The following RPGR variants were observed in gnomAD, a reference collection of about 807,000 sequenced individuals.
RPGR encodes retinitis pigmentosa GTPase regulator.
RPGR carries 10 observed loss-of-function variants against 56.3 expected under a neutral mutation model. The observed-to-expected ratio is 0.18, with a 90% CI of 0.11 to 0.30. The LOEUF is 0.30. Ranked by LOEUF, RPGR falls within the 10% of genes least tolerant of loss-of-function variation. RPGR has a pLI of 1.00. For synonymous variants in RPGR, 197 were observed against 212.9 expected (o/e 0.93, Z 0.65); for missense variants, 538 against 590.9 (o/e 0.91, Z 0.93).
At chrX:38,313,092 T>C (rs2067752542) in intron 6 of RPGR, among the ~76,000 whole-genome samples, 1 of 111,677 alleles carries the variant, frequency 9.0e-6, no homozygotes, top group South Asian at 3.8e-4. Flanking sequence ...TTTCTGTCTC[T>C]ATATCTCTGC....
chrX:38,302,985 T>C (rs1408306095), intron 8 of RPGR, among the ~76,000 whole-genome samples: 1 of 109,950 alleles, frequency 9.1e-6, no homozygotes, highest in Non-Finnish European at 1.9e-5. Context: ...AATTTTTGAA[T>C]ATAGTAGAGA....
At chrX:38,302,333 G>A (rs2067516866) in intron 8 of RPGR, among the ~76,000 whole-genome samples, 3 of 111,178 alleles carry the variant, frequency 2.7e-5, no homozygotes, top group African/African-American at 6.5e-5. Context: ...GGATGAGTAG[G>A]GCTTAGCTGC....
At chrX:38,306,508 T>C (rs1245373789) in intron 7 of RPGR, among the ~76,000 whole-genome samples, 3 of 112,450 alleles carry the variant, frequency 2.7e-5, no homozygotes, top group Non-Finnish European at 3.8e-5. Context: ...ATAAGACATA[T>C]AGATACTACT....
At position 38,327,350 on chromosome X, in the gene RPGR, CTCT is replaced by C; in HGVS notation, c.15_17del (p.Glu6del). 8.4e-7 allele frequency: 1 copy of C among 1,190,300 alleles called. No homozygotes were observed. Among genetic ancestry groups the C allele is most frequent in the Non-Finnish European group, 1.1e-6 (1 of 886,194 alleles). On this transcript the variant is annotated inframe_deletion, in exon 1 of 19. Transcript: ENST00000642395. Reference sequence around the variant, plus strand: ...GCGGGCGCAACTCACCGGGCATCAGCTCTTCCGGCTCCCTCATGCCACGGGCAG... The same window carrying C: ...GCGGGCGCAACTCACCGGGCATCAGCTCCGGCTCCCTCATGCCACGGGCAG...
chrX:38,322,521 T>C (rs1352447521), intron 3 of RPGR, among the ~76,000 whole-genome samples: 1 of 112,225 alleles, frequency 8.9e-6, no homozygotes, highest in Non-Finnish European at 1.9e-5. Flanking sequence ...TTCTAACATA[T>C]GTTTGTTCTC....
At chrX:38,288,162 C>T (rs1352994369) in intron 13 of RPGR, 121 bp from the exon 14 acceptor site, 2 of 612,338 alleles carry the variant, frequency 3.3e-6, no homozygotes, top group African/African-American at 2.3e-5. Flanking sequence ...ATCAAAATAG[C>T]AAGTTTTACC....
At chrX:38,308,565 AAATT>A (rs1235979584) in intron 7 of RPGR, among the ~76,000 whole-genome samples, 3 of 111,937 alleles carry the variant, frequency 2.7e-5, no homozygotes, top group Admixed American at 9.5e-5. Context: ...ATGACCTATT[AAATT>A]AATTCTTTCT....
At chrX:38,273,072 G>T (rs895475834) in intron 18 of RPGR, among the ~76,000 whole-genome samples, 10 of 112,003 alleles carry the variant, frequency 8.9e-5, no homozygotes, top group Non-Finnish European at 1.9e-4. Flanking sequence ...GAAAAAGATA[G>T]GAACATTGAT....
At chrX:38,321,592 C>T (rs190416895) in intron 3 of RPGR, among the ~76,000 whole-genome samples, 96 of 108,077 alleles carry the variant, frequency 8.9e-4, no homozygotes, top group African/African-American at 3.0e-3. Flanking sequence ...CCCAGGAGGT[C>T]GAGGCTGCAG....
chrX:38,270,692 A>G (rs1167145070), intron 18 of RPGR, among the ~76,000 whole-genome samples: 1 of 108,921 alleles, frequency 9.2e-6, no homozygotes, highest in Non-Finnish European at 1.9e-5. Flanking sequence ...GGGTCTGAGT[A>G]GGCAGTCAAA....
Position 38,327,463 on chromosome X carries a change from G to T in RPGR, c.-96C>A. 1 of 893,820 alleles carries T rather than the reference G, an allele frequency of 1.1e-6. No individual in the cohort carries two copies. The highest frequency in any genetic ancestry group is 1.5e-6 in the Non-Finnish European group (1 of 660,518). 73.7% of individuals were successfully genotyped at this position (893,820 alleles called of 1,213,427 possible). On this transcript the variant is annotated 5_prime_UTR_variant, in exon 1 of 19. Coordinates refer to ENST00000642395, the MANE Select transcript of RPGR (RefSeq NM_000328.3). ...CAGCTACTCCGCACCGACGCGGGCC[G>T]CGAAAGCCCCCAAGTTCCGCATGGC...
Position 38,315,820 on chromosome X carries a change from C to CATAT in RPGR, c.619+1492_619+1495dup, listed in dbSNP as rs1175539921. Among the ~76,000 whole-genome samples, 332 of 92,118 alleles carry CATAT rather than the reference C, an allele frequency of 3.6e-3. 3 individuals carry two copies. Among genetic ancestry groups the CATAT allele is most frequent in the African/African-American group, 0.011 (265 of 23,959 alleles). 80.0% of individuals were successfully genotyped at this position (92,118 alleles called of 115,157 possible). On this transcript the variant is annotated intron_variant, in intron 6 of 18. Coordinates refer to ENST00000642395, the MANE Select transcript of RPGR (RefSeq NM_000328.3). ...ACATCTCAGGTATTCCATATATATACATATATATATATATATATAGAGAGA... is the reference window on the plus strand; with the variant it reads ...ACATCTCAGGTATTCCATATATATACATATATATATATATATATATATAGAGAGA...
intron 16 of RPGR, among the ~76,000 whole-genome samples, chrX:38,276,303 T>C (rs990622822): frequency 1.8e-5 from 2 of 111,792 alleles, no homozygotes; most frequent in Non-Finnish European, 1.9e-5. Context: ...AACTTCTTGG[T>C]TAATTTCCCA....
intron 1 of RPGR, 115 bp from the exon 2 acceptor site, chrX:38,323,639 A>T: frequency 1.3e-6 from 1 of 795,301 alleles, no homozygotes; most frequent in Non-Finnish European, 1.8e-6. Context: ...CTTTGCCCCC[A>T]CTCTGGCAAT....
intron 16 of RPGR, among the ~76,000 whole-genome samples, chrX:38,275,517 T>C (rs962463518): frequency 1.1e-4 from 12 of 112,264 alleles, no homozygotes; most frequent in African/African-American, 3.9e-4. Context: ...AAATGTTCCC[T>C]ATAAACAGAA....
At chrX:38,276,319 G>GT (rs2066933867) in intron 16 of RPGR, among the ~76,000 whole-genome samples, 1 of 111,786 alleles carries the variant, frequency 8.9e-6, no homozygotes, top group South Asian at 3.8e-4. Context: ...TCCCAACGGT[G>GT]TACTATCCTG....
At chrX:38,292,840 T>A (rs2067310894) in intron 11 of RPGR, among the ~76,000 whole-genome samples, 1 of 111,039 alleles carries the variant, frequency 9.0e-6, no homozygotes. Flanking sequence ...ATGAGTAGAA[T>A]TAGAATTCTG....
In RPGR at chrX:38,298,979, C is replaced by T; in HGVS notation, c.1222G>A (p.Ala408Thr). The T allele has an allele frequency of 8.3e-7, 1 of 1,211,745 alleles. No individual in the cohort carries two copies. Among genetic ancestry groups the T allele is most frequent in the East Asian group, 3.0e-5 (1 of 33,860 alleles). ...ACCCTCTCTCTTCGCCGCATACGTG[C>T]TGATAGAGTCCTCTGCAGTACATTT... The change falls in exon 10 of 19, where the codon GCA becomes ACA. Residue 408 changes from alanine to threonine, a missense_variant. Transcript: ENST00000642395.
Position 38,313,274 on chromosome X carries a change from C to T in RPGR, c.620-2501G>A, listed in dbSNP as rs188346371. Reference sequence around the variant, plus strand: ...TTGTTCTCACGTAAGACTCTGCTATCAAATGTCTTACGTTACCAATCATGG... The same window carrying T: ...TTGTTCTCACGTAAGACTCTGCTATTAAATGTCTTACGTTACCAATCATGG... On this transcript the variant is annotated intron_variant, in intron 6 of 18. Transcript: ENST00000642395. 2.5e-3 allele frequency among the ~76,000 whole-genome samples: 284 copies of T among 111,558 alleles called. 5 individuals carry two copies. The highest frequency in any genetic ancestry group is 3.2e-3 in the Non-Finnish European group (171 of 53,134).
Sources: allele counts gnomAD v4.1 joint callset (sites outside exome capture counted in the v4.1 genomes callset), GRCh38; gene constraint gnomAD v4.1.1; transcripts MANE v1.5; gene names NCBI Gene and HGNC (gene_info 2026-07-23, HGNC 2026-07-21).